Variants in REDIC1 observed in about 807,000 individuals in gnomAD.
REDIC1 encodes the protein regulator of DNA class I crossover intermediates 1.
At chr12:39,857,413 T>G in the REDIC1 span, among the ~76,000 whole-genome samples, 1 of 152,206 alleles carries the variant, frequency 6.6e-6, no homozygotes, top group African/African-American at 2.4e-5. Context: ...TTTTCCAGTT[T>G]CTAAAGCATT....
chr12:39,793,194 T>C, the REDIC1 span, among the ~76,000 whole-genome samples: 15 of 152,136 alleles, frequency 9.9e-5, no homozygotes, highest in Non-Finnish European at 1.9e-4. Context: ...TATTTATATA[T>C]ACTACAATCA....
At chr12:39,900,577 T>A in the REDIC1 span, among the ~76,000 whole-genome samples, 1 of 152,066 alleles carries the variant, frequency 6.6e-6, no homozygotes, top group South Asian at 2.1e-4. Context: ...ATGAGTGAAC[T>A]CCTATTCACA....
the REDIC1 span, among the ~76,000 whole-genome samples, chr12:39,768,666 T>A: frequency 6.6e-6 from 1 of 152,022 alleles, no homozygotes; most frequent in African/African-American, 2.4e-5. Flanking sequence ...ATAATTAAGT[T>A]TGACGTCTTA....
chr12:39,690,669 A>C, the REDIC1 span, among the ~76,000 whole-genome samples: 1 of 152,178 alleles, frequency 6.6e-6, no homozygotes, highest in Admixed American at 6.5e-5. Context: ...AATATAATAA[A>C]GGTTGAAAGC....
the REDIC1 span, among the ~76,000 whole-genome samples, chr12:39,855,270 G>A: frequency 6.6e-6 from 1 of 152,002 alleles, no homozygotes; most frequent in Non-Finnish European, 1.5e-5. Context: ...TAATTGATTT[G>A]CCTTGTACTT....
chr12:39,821,466 A>G, the REDIC1 span, among the ~76,000 whole-genome samples: 2 of 152,106 alleles, frequency 1.3e-5, no homozygotes, highest in African/African-American at 2.4e-5. Flanking sequence ...GTATCTTGCT[A>G]TATCAGTCAG....
At chr12:39,668,191 G>T in the REDIC1 span, among the ~76,000 whole-genome samples, 1 of 152,026 alleles carries the variant, frequency 6.6e-6, no homozygotes, top group Non-Finnish European at 1.5e-5. Flanking sequence ...GCATGTTTTT[G>T]CAGTGGCTGG....
chr12:39,677,911 C>T, the REDIC1 span, among the ~76,000 whole-genome samples: 2 of 151,986 alleles, frequency 1.3e-5, no homozygotes, highest in African/African-American at 4.8e-5. Flanking sequence ...AGTGACAAAA[C>T]CTATCGAAAC....
the REDIC1 span, among the ~76,000 whole-genome samples, chr12:39,776,936 G>T: frequency 1.3e-5 from 2 of 151,972 alleles, no homozygotes; most frequent in African/African-American, 2.4e-5. Flanking sequence ...ATTCCTATGG[G>T]TTTTTTCTTT....
chr12:39,761,642 T>G, the REDIC1 span, among the ~76,000 whole-genome samples: 8 of 147,188 alleles, frequency 5.4e-5, no homozygotes, highest in Non-Finnish European at 1.1e-4. Context: ...AAAAAAAAAA[T>G]GAAAGGAGAT....
the REDIC1 span, among the ~76,000 whole-genome samples, chr12:39,668,577 G>A: frequency 6.6e-6 from 1 of 151,878 alleles, no homozygotes; most frequent in Non-Finnish European, 1.5e-5. Flanking sequence ...GTATCTTTGT[G>A]GTGTTCTCTG....
the REDIC1 span, among the ~76,000 whole-genome samples, chr12:39,655,097 A>G: frequency 5.3e-5 from 8 of 152,132 alleles, no homozygotes; most frequent in Admixed American, 4.6e-4. Flanking sequence ...AATTCTAGAT[A>G]TGCATTCTCT....
the REDIC1 span, chr12:39,721,363 A>T: frequency 1.2e-6 from 1 of 846,616 alleles, no homozygotes; most frequent in Admixed American, 2.7e-5. Context: ...AGCTAAGCAT[A>T]AGCTGACAGT....
At chr12:39,726,743 T>C in the REDIC1 span, among the ~76,000 whole-genome samples, 12 of 152,264 alleles carry the variant, frequency 7.9e-5, no homozygotes, top group Middle Eastern at 3.4e-3. Flanking sequence ...CGCCACACTG[T>C]CTTCCACAAT....
chr12:39,809,693 T>C, the REDIC1 span, among the ~76,000 whole-genome samples: 1 of 152,134 alleles, frequency 6.6e-6, no homozygotes, highest in Non-Finnish European at 1.5e-5. Context: ...TGTGTGATGT[T>C]CCCCTTCCTG....
the REDIC1 span, among the ~76,000 whole-genome samples, chr12:39,868,646 A>G: frequency 2.0e-5 from 3 of 152,156 alleles, no homozygotes; most frequent in Non-Finnish European, 4.4e-5. Context: ...AAAATACATG[A>G]GGGGGGAAAA....
At chr12:39,736,310 T>A in the REDIC1 span, among the ~76,000 whole-genome samples, 1 of 152,226 alleles carries the variant, frequency 6.6e-6, no homozygotes, top group African/African-American at 2.4e-5. Flanking sequence ...CTGTAGTAAT[T>A]ATCCTATGCC....
chr12:39,751,672 A>C, the REDIC1 span, among the ~76,000 whole-genome samples: 21 of 152,222 alleles, frequency 1.4e-4, no homozygotes, highest in African/African-American at 5.1e-4. Context: ...TCAATGATAG[A>C]CTGGATTAAG....
chr12:39,896,580 G>T, the REDIC1 span, among the ~76,000 whole-genome samples: 1 of 143,916 alleles, frequency 6.9e-6, no homozygotes, highest in African/African-American at 2.6e-5. Flanking sequence ...ATGTATGTGT[G>T]TATATATGTA....
Sources: gnomAD v4.1 joint callset for allele counts (sites outside exome capture counted in the v4.1 genomes callset) on GRCh38, gnomAD v4.1.1 for gene constraint, MANE v1.5 for transcripts, NCBI Gene and HGNC (gene_info 2026-07-23, HGNC 2026-07-21) for gene names.